Variants in DNM3 observed in about 807,000 individuals in gnomAD.
DNM3 encodes dynamin 3, also known as dynamin-3.
In DNM3, 47 loss-of-function variants were observed where a neutral mutation model predicts 101.6. That is an observed-to-expected ratio of 0.46 (90% CI 0.37 to 0.59). The LOEUF is 0.59. Among genes scored for constraint, DNM3 ranks in the 20% least tolerant of loss-of-function variants. The pLI is 0.00. For missense variants in DNM3, 849 were observed against 1,085.7 expected (o/e 0.78, Z 3.06); for synonymous variants, 385 against 387.9 (o/e 0.99, Z 0.09).
chr1:172,226,296 C>A (rs2061117609), intron 14 of DNM3, among the ~76,000 whole-genome samples: 1 of 152,244 alleles, frequency 6.6e-6, no homozygotes, highest in East Asian at 1.9e-4. Flanking sequence ...CCAAAAGAAA[C>A]CTGGTATAGA....
At chr1:172,067,976 G>A (rs865785499) in intron 10 of DNM3, among the ~76,000 whole-genome samples, 6 of 152,176 alleles carry the variant, frequency 3.9e-5, no homozygotes, top group Non-Finnish European at 7.3e-5. Context: ...CCATTTTTGA[G>A]CTGTTTAGTC....
intron 1 of DNM3, among the ~76,000 whole-genome samples, chr1:171,903,801 G>A (rs2038582442): frequency 6.6e-6 from 1 of 152,102 alleles, no homozygotes; most frequent in Admixed American, 6.5e-5. Context: ...GACATTAAGG[G>A]CTGGAAATTT....
At chr1:172,328,576 G>A (rs2066041191) in intron 17 of DNM3, among the ~76,000 whole-genome samples, 1 of 152,110 alleles carries the variant, frequency 6.6e-6, no homozygotes, top group South Asian at 2.1e-4. Flanking sequence ...CTTGTAAGTG[G>A]GAGCTGAACA....
At chr1:171,870,502 A>C (rs987588550) in intron 1 of DNM3, among the ~76,000 whole-genome samples, 2 of 151,994 alleles carry the variant, frequency 1.3e-5, no homozygotes, top group African/African-American at 4.8e-5. Flanking sequence ...ACAAAAAAAA[A>C]CCCTCTGAAG....
At chr1:171,936,188 C>T (rs1387523015) in intron 2 of DNM3, among the ~76,000 whole-genome samples, 1 of 151,840 alleles carries the variant, frequency 6.6e-6, no homozygotes, top group East Asian at 1.9e-4. Context: ...GAAACCCCAT[C>T]TCCACTAAAA....
At chr1:172,330,156 A>G (rs1460402182) in intron 17 of DNM3, among the ~76,000 whole-genome samples, 2 of 152,212 alleles carry the variant, frequency 1.3e-5, no homozygotes, top group African/African-American at 2.4e-5. Context: ...AAATGATTCC[A>G]TAATTGTGCA....
intron 7 of DNM3, among the ~76,000 whole-genome samples, chr1:172,040,121 G>A (rs2049264514): frequency 6.6e-6 from 1 of 152,078 alleles, no homozygotes; most frequent in Non-Finnish European, 1.5e-5. Context: ...ATTTGTTCTC[G>A]GATTAGTAAA....
intron 17 of DNM3, among the ~76,000 whole-genome samples, chr1:172,366,827 GA>G (rs1380038236): frequency 6.6e-6 from 1 of 151,246 alleles, no homozygotes; most frequent in Non-Finnish European, 1.5e-5. Context: ...AACCCAGTCA[GA>G]AAAAAAGAAA....
intron 17 of DNM3, among the ~76,000 whole-genome samples, chr1:172,342,774 A>G (rs2066748556): frequency 6.6e-6 from 1 of 152,226 alleles, no homozygotes; most frequent in African/African-American, 2.4e-5. Context: ...GTCACAATCT[A>G]TGACAGTCTT....
At chr1:172,027,848 G>A (rs967131135) in intron 4 of DNM3, among the ~76,000 whole-genome samples, 1 of 152,062 alleles carries the variant, frequency 6.6e-6, no homozygotes, top group Non-Finnish European at 1.5e-5. Flanking sequence ...AATGGTAAAG[G>A]GATCAATGCA....
chr1:172,283,406 T>C (rs538204729), intron 15 of DNM3, among the ~76,000 whole-genome samples: 72 of 151,588 alleles, frequency 4.7e-4, no homozygotes, highest in African/African-American at 1.7e-3. Flanking sequence ...TTGTGGCTAA[T>C]TTCTCCATTG....
chr1:172,148,791 T>C (rs1437165369), intron 14 of DNM3, among the ~76,000 whole-genome samples: 1 of 151,950 alleles, frequency 6.6e-6, no homozygotes, highest in Non-Finnish European at 1.5e-5. Flanking sequence ...TTTTTTTAAT[T>C]GGAGGCAATG....
intron 2 of DNM3, among the ~76,000 whole-genome samples, chr1:171,945,171 A>G (rs2042095475): frequency 6.6e-6 from 1 of 152,112 alleles, no homozygotes; most frequent in Non-Finnish European, 1.5e-5. Flanking sequence ...TGCCTGGCCT[A>G]TATTAACGTT....
At chr1:172,093,235 T>A (rs1391478196) in intron 13 of DNM3, among the ~76,000 whole-genome samples, 1 of 152,162 alleles carries the variant, frequency 6.6e-6, no homozygotes, top group Non-Finnish European at 1.5e-5. Flanking sequence ...ATGAGCTTTC[T>A]GGGGTTGCTA....
intron 17 of DNM3, among the ~76,000 whole-genome samples, chr1:172,378,585 CT>C (rs2068733590): frequency 1.3e-5 from 2 of 151,998 alleles, no homozygotes; most frequent in African/African-American, 4.8e-5. Flanking sequence ...CAGAGCAGAC[CT>C]AGAAGTGCCA....
chr1:172,244,033 A>T (rs1573104863), intron 14 of DNM3, among the ~76,000 whole-genome samples: 1 of 151,870 alleles, frequency 6.6e-6, no homozygotes. Flanking sequence ...ACCCCACAAC[A>T]GTCCCCAGAG....
intron 1 of DNM3, among the ~76,000 whole-genome samples, chr1:171,910,102 T>G (rs1224077486): frequency 6.6e-6 from 1 of 152,212 alleles, no homozygotes; most frequent in East Asian, 1.9e-4. Context: ...TCTTAGAGAA[T>G]GAAGTCTTTA....
intron 17 of DNM3, among the ~76,000 whole-genome samples, chr1:172,335,264 G>A (rs1331446582): frequency 6.6e-6 from 1 of 152,068 alleles, no homozygotes; most frequent in Non-Finnish European, 1.5e-5. Context: ...CCATTTAGAG[G>A]TAGAGTTTTT....
chr1:172,215,697 A>G (rs1475116470), intron 14 of DNM3, among the ~76,000 whole-genome samples: 1 of 152,100 alleles, frequency 6.6e-6, no homozygotes, highest in African/African-American at 2.4e-5. Flanking sequence ...GAAATTGTAC[A>G]TATTCGTTGG....
Sources: allele counts gnomAD v4.1 joint callset (sites outside exome capture counted in the v4.1 genomes callset), GRCh38; gene constraint gnomAD v4.1.1; transcripts MANE v1.5; gene names NCBI Gene and HGNC (gene_info 2026-07-23, HGNC 2026-07-21).